Variants in HNRNPK observed in about 807,000 individuals in gnomAD.
HNRNPK encodes dC-stretch binding protein.
In HNRNPK, 7 loss-of-function variants were observed where a neutral mutation model predicts 67.0. The observed-to-expected ratio is 0.10, with a 90% CI of 0.06 to 0.20. The LOEUF (loss-of-function observed/expected upper bound fraction) is 0.20. HNRNPK is among the 10% of genes least tolerant of loss of function. HNRNPK has a pLI of 1.00. For missense variants in HNRNPK, 264 were observed against 606.5 expected, an observed-to-expected ratio of 0.44 and a Z score of 5.93; for synonymous variants, 213 against 193.7, an observed-to-expected ratio of 1.10 and a Z score of -0.83.
intron 1 of HNRNPK, among the ~76,000 whole-genome samples, chr9:83,979,931 A>G (rs1469027276): frequency 6.6e-6 from 1 of 152,126 alleles, no homozygotes; most frequent in African/African-American, 2.4e-5. Flanking sequence ...AGCTCATCCT[A>G]GAGGCACATG....
In HNRNPK at chr9:83,972,701, T is replaced by A. The variant is rs41304226; in HGVS notation, c.645+143A>T. 1.9e-3 allele frequency: 1,083 copies of A among 565,094 alleles called. 2 individuals carry two copies. The highest frequency in any genetic ancestry group is 2.8e-3 in the Non-Finnish European group (907 of 324,378). 35.0% of individuals were successfully genotyped at this position (565,094 alleles called of 1,614,324 possible). A position where few individuals can be genotyped will look rare whatever the true frequency, so the allele number is the denominator to read the frequency against. On this transcript the variant is annotated intron_variant, in intron 10 of 16. Coordinates refer to ENST00000376263, the MANE Select transcript of HNRNPK (RefSeq NM_031263.4). ...TTTCAAAACCATTTTTAAATTAAAGTGATGGCTGAAGCCAGGTGATAGAAA... is the reference window on the plus strand; with the variant it reads ...TTTCAAAACCATTTTTAAATTAAAGAGATGGCTGAAGCCAGGTGATAGAAA...
intron 1 of HNRNPK, among the ~76,000 whole-genome samples, chr9:83,979,109 A>T (rs1957222881): frequency 6.6e-6 from 1 of 152,224 alleles, no homozygotes; most frequent in Non-Finnish European, 1.5e-5. Context: ...TAACACGAAA[A>T]CTAAAGTGTC....
Position 83,971,266 on chromosome 9 carries a change from A to G in HNRNPK, c.1092+7T>C. ...TGATATACACACGAACAACTATGAT[A>G]CTCAACCTGTGGTTCATAAGCCATC... On this transcript the variant is annotated splice_region_variant and intron_variant, in intron 13 of 16. Coordinates refer to ENST00000376263, the MANE Select transcript of HNRNPK (RefSeq NM_031263.4). 1.3e-6 allele frequency: 2 copies of G among 1,569,112 alleles called. No individual in the cohort carries two copies. The highest frequency in any genetic ancestry group is 1.8e-6 in the Non-Finnish European group (2 of 1,139,336).
Position 83,978,426 on chromosome 9 carries a change from C to A in HNRNPK, c.-81G>T. ...ACTGAAGCGTTCTGGGTCGGACCAA[C>A]AACTGACACCCCAGTGCTGCAGTAG... On this transcript the variant is annotated 5_prime_UTR_variant, in exon 2 of 17. Transcript: ENST00000376263. The A allele has an allele frequency of 3.0e-6, 4 of 1,341,286 alleles. No individual in the cohort carries two copies. In the South Asian group the frequency reaches 7.4e-5, roughly 25 times the overall value. 83.1% of individuals were successfully genotyped at this position (1,341,286 alleles called of 1,614,324 possible).
intron 6 of HNRNPK, among the ~76,000 whole-genome samples, chr9:83,975,031 C>T (rs1310155576): frequency 6.6e-6 from 1 of 152,162 alleles, no homozygotes; most frequent in East Asian, 1.9e-4. Context: ...AATTAGATCA[C>T]TAATGGGCTC....
At chr9:83,969,998 A>C in intron 16 of HNRNPK, 164 bp downstream of exon 16, 1 of 649,782 alleles carries the variant, frequency 1.5e-6, no homozygotes, top group Non-Finnish European at 2.7e-6. Context: ...ATTTTTAGTA[A>C]GAAAGCAGAA....
intron 4 of HNRNPK, among the ~76,000 whole-genome samples, 194 bp downstream of exon 4, chr9:83,977,495 C>T (rs1957124399): frequency 6.6e-6 from 1 of 152,140 alleles, no homozygotes; most frequent in Non-Finnish European, 1.5e-5. Flanking sequence ...AGTGGCGGTT[C>T]ACTACAGCAA....
intron 16 of HNRNPK, 44 bp from the exon 17 acceptor site, chr9:83,969,484 CGT>C (rs1956722766): frequency 8.1e-7 from 1 of 1,237,122 alleles, no homozygotes; most frequent in African/African-American, 1.5e-5. Flanking sequence ...AATTTTTGCT[CGT>C]AACATCTTAA....
At chr9:83,978,138 A>G (rs1050866363) in intron 3 of HNRNPK, 57 bp downstream of exon 3, 27 of 1,159,736 alleles carry the variant, frequency 2.3e-5, no homozygotes, top group Non-Finnish European at 3.5e-5. Context: ...ATTAACAGAA[A>G]AAGGCAATTT....
At chr9:83,977,557 G>A (rs1291748731) in intron 4 of HNRNPK, 132 bp downstream of exon 4, 7 of 590,362 alleles carry the variant, frequency 1.2e-5, no homozygotes, top group East Asian at 2.9e-5. Flanking sequence ...GAGCCTTCAA[G>A]TCTGTTTAGA....
chr9:83,971,887 T>C lies in HNRNPK; in HGVS notation c.948A>G (p.Arg316=), dbSNP rs2133029724. The C allele has an allele frequency of 6.4e-7, 1 of 1,557,270 alleles. No individual in the cohort carries two copies. Among genetic ancestry groups the C allele is most frequent in the Non-Finnish European group, 8.7e-7 (1 of 1,153,184 alleles). ...CAACAAAAAAAACAACTTACCCCCCTCTAGGTGGTGGTGGTGGAGGAAGAG... is the reference window on the plus strand; with the variant it reads ...CAACAAAAAAAACAACTTACCCCCCCCTAGGTGGTGGTGGTGGAGGAAGAG... ...NLPLPPPPPP[R]GGDLMAYDRR... Residue 316 remains arginine, a synonymous_variant, in exon 11 of 17, where the codon AGA becomes AGG. Coordinates refer to ENST00000376263, the MANE Select transcript of HNRNPK (RefSeq NM_031263.4).
At chr9:83,977,112 C>CG (rs1278072411) in intron 4 of HNRNPK, 61 bp from the exon 5 acceptor site, 1 of 1,154,306 alleles carries the variant, frequency 8.7e-7, no homozygotes, top group Non-Finnish European at 1.3e-6. Flanking sequence ...TAGCTACCTA[C>CG]GCTCTTAGAT....
chr9:83,979,482 A>T (rs1379255317), intron 1 of HNRNPK, among the ~76,000 whole-genome samples: 1 of 152,186 alleles, frequency 6.6e-6, no homozygotes, highest in Non-Finnish European at 1.5e-5. Flanking sequence ...TCCGCTAAGT[A>T]TGTGCTCCAC....
At chr9:83,969,737 A>C (rs372982702) in intron 16 of HNRNPK, 1 of 653,816 alleles carries the variant, frequency 1.5e-6, no homozygotes, top group Non-Finnish European at 2.9e-6. Flanking sequence ...TTACAGCACC[A>C]ATCATTTGTC....
In HNRNPK at chr9:83,978,208, G is replaced by T. The variant is rs199952772; in HGVS notation, c.45C>A (p.Thr15=). Residue 15 remains threonine, a synonymous_variant, in exon 3 of 17, where the codon ACC becomes ACA. Transcript: ENST00000376263. ...ATTTCTTCTCACCAAATTCACCATTGGTTTCAGTGTTAGGGAAGGTTTCTT... is the reference window on the plus strand; with the variant it reads ...ATTTCTTCTCACCAAATTCACCATTTGTTTCAGTGTTAGGGAAGGTTTCTT... ...QPEETFPNTE[T]NGEFGKRPAE... 5 of 1,603,918 alleles carry T rather than the reference G, an allele frequency of 3.1e-6. No homozygotes were observed. The highest frequency in any genetic ancestry group is 4.3e-6 in the Non-Finnish European group (5 of 1,171,476).
chr9:83,969,630 G>A (rs1026929907), intron 16 of HNRNPK, 190 bp from the exon 17 acceptor site: 8 of 618,812 alleles, frequency 1.3e-5, no homozygotes, highest in East Asian at 5.5e-5. Flanking sequence ...GTAGTAAATC[G>A]GACATTAGTA....
chr9:83,973,754 G>T (rs1956955029), intron 8 of HNRNPK, 148 bp downstream of exon 8: 1 of 617,574 alleles, frequency 1.6e-6, no homozygotes, highest in African/African-American at 1.9e-5. Context: ...CATGGAGCAG[G>T]GTCAACAGTG....
At chr9:83,975,673 G>A (rs2133051174) in intron 5 of HNRNPK, 168 bp from the exon 6 acceptor site, 2 of 699,024 alleles carry the variant, frequency 2.9e-6, no homozygotes, top group Non-Finnish European at 2.7e-6. Flanking sequence ...GGTGGGCAAC[G>A]CAGGGGTAAG....
chr9:83,977,374 G>A (rs2133060532), intron 4 of HNRNPK, among the ~76,000 whole-genome samples: 1 of 152,242 alleles, frequency 6.6e-6, no homozygotes, highest in Non-Finnish European at 1.5e-5. Flanking sequence ...ATTGTGACCT[G>A]TGATCAAACA....
Sources: gnomAD v4.1 joint callset for allele counts (sites outside exome capture counted in the v4.1 genomes callset) on GRCh38, gnomAD v4.1.1 for gene constraint, MANE v1.5 for transcripts, NCBI Gene and HGNC (gene_info 2026-07-23, HGNC 2026-07-21) for gene names.